The following NDUFAF6 variants were observed in gnomAD, a reference collection of about 807,000 sequenced individuals.
The protein encoded by NDUFAF6 is NADH dehydrogenase (ubiquinone) complex I, assembly factor 6.
A neutral mutation model predicts 40.8 loss-of-function variants in NDUFAF6; 45 were observed. The observed-to-expected ratio is 1.10, with a 90% CI of 0.87 to 1.42. NDUFAF6 has a LOEUF of 1.42. NDUFAF6 is among the 40% of genes most tolerant of loss of function. The pLI, the probability that NDUFAF6 is intolerant of heterozygous loss-of-function variation, is 0.00. For synonymous variants in NDUFAF6, 185 were observed against 155.9 expected, an observed-to-expected ratio of 1.19 and a Z score of -1.39; for missense variants, 435 against 418.5, an observed-to-expected ratio of 1.04 and a Z score of -0.34.
chr8:94,902,693 CT>C (rs35185664), intron 1 of NDUFAF6, among the ~76,000 whole-genome samples: 4,501 of 121,416 alleles, frequency 0.037, 75 homozygotes, highest in African/African-American at 0.069. Flanking sequence ...TGTGGACATA[CT>C]TTTTTTTTTT....
intron 2 of NDUFAF6, among the ~76,000 whole-genome samples, chr8:95,084,315 G>T (rs998915278): frequency 6.6e-6 from 1 of 151,710 alleles, no homozygotes; most frequent in Non-Finnish European, 1.5e-5. Flanking sequence ...ATATATTTCA[G>T]TACATATCTC....
chr8:94,920,141 TAGTA>T (rs761803927), intron 1 of NDUFAF6, among the ~76,000 whole-genome samples: 36 of 152,194 alleles, frequency 2.4e-4, no homozygotes, highest in African/African-American at 4.6e-4. Flanking sequence ...AAGATGATAA[TAGTA>T]AGTGTGTGTG....
chr8:95,116,797 T>TA (rs1383574185), downstream of NDUFAF6, among the ~76,000 whole-genome samples: 1 of 152,226 alleles, frequency 6.6e-6, no homozygotes, highest in African/African-American at 2.4e-5. Context: ...AAACCCAACT[T>TA]ACGCTGACTT....
intron 2 of NDUFAF6, among the ~76,000 whole-genome samples, chr8:95,000,235 G>A (rs1239348247): frequency 6.6e-6 from 1 of 152,162 alleles, no homozygotes; most frequent in Non-Finnish European, 1.5e-5. Flanking sequence ...TACTCTGGAG[G>A]CTAAGGCAGG....
intron 1 of NDUFAF6, among the ~76,000 whole-genome samples, chr8:94,904,844 G>T (rs1340023031): frequency 6.6e-6 from 1 of 151,700 alleles, no homozygotes. Flanking sequence ...TCATCTTCCT[G>T]CATAACTGTC....
chr8:95,086,603 CTTTT>C (rs140726768), intron 2 of NDUFAF6, among the ~76,000 whole-genome samples: 20 of 136,040 alleles, frequency 1.5e-4, no homozygotes, highest in African/African-American at 3.5e-4. Context: ...CTTTTCTTTT[CTTTT>C]TTTTTTTTTT....
intron 2 of NDUFAF6, among the ~76,000 whole-genome samples, chr8:95,004,372 T>TC (rs1563783525): frequency 7.1e-6 from 1 of 140,126 alleles, no homozygotes; most frequent in African/African-American, 2.6e-5. Context: ...TTTTTTTTTT[T>TC]GAGACCGGGT....
At chr8:95,046,648 A>G (rs1467844440) in intron 5 of NDUFAF6, among the ~76,000 whole-genome samples, 2 of 152,272 alleles carry the variant, frequency 1.3e-5, no homozygotes, top group African/African-American at 2.4e-5. Flanking sequence ...ATGTTTGTTA[A>G]GCATATTCTT....
chr8:95,114,494 C>T (rs1434152305), intron 4 of NDUFAF6, among the ~76,000 whole-genome samples: 1 of 152,224 alleles, frequency 6.6e-6, no homozygotes, highest in Non-Finnish European at 1.5e-5. Flanking sequence ...TGGAGGTGTA[C>T]TTCACAGGAA....
Position 95,025,005 on chromosome 8 carries a change from C to T in NDUFAF6, c.-4C>T. ...GGGGTCGAAGGGCACGCAGTGCCGG[C>T]GTCATGGCGGCCTCCGCGCACGGCT... On this transcript the variant is annotated 5_prime_UTR_variant, in exon 1 of 9. Coordinates refer to ENST00000396124, the MANE Select transcript of NDUFAF6 (RefSeq NM_152416.4). The T allele has an allele frequency of 7.5e-7, 1 of 1,342,066 alleles. No homozygotes were observed. Among genetic ancestry groups the T allele is most frequent in the Non-Finnish European group, 9.5e-7 (1 of 1,054,848 alleles). 83.1% of individuals were successfully genotyped at this position (1,342,066 alleles called of 1,614,324 possible). A position where few individuals can be genotyped will look rare whatever the true frequency, so the allele number is the denominator to read the frequency against.
intron 1 of NDUFAF6, among the ~76,000 whole-genome samples, chr8:94,898,650 C>T (rs951000699): frequency 2.6e-5 from 4 of 152,152 alleles, no homozygotes; most frequent in South Asian, 2.1e-4. Context: ...CCATACTGTG[C>T]TCTTTGGAAG....
chr8:95,025,172 G>A lies in NDUFAF6; in HGVS notation c.164G>A (p.Trp55Ter). Residue 55 changes from tryptophan to a stop codon, truncating the protein, a stop_gained, in exon 1 of 9, where the codon TGG (tryptophan) becomes TAG (stop). Transcript: ENST00000396124. LOFTEE classifies it high-confidence loss of function. ...SVAAASGPGA[W>*]GTDHYCLELL... Reference sequence around the variant, plus strand: ...GCTGCGGCCAGCGGACCGGGCGCCTGGGGCACTGACCACTACTGCCTGGAG... The same window carrying A: ...GCTGCGGCCAGCGGACCGGGCGCCTAGGGCACTGACCACTACTGCCTGGAG... 1 of 1,480,420 alleles carries A rather than the reference G, an allele frequency of 6.8e-7. No individual in the cohort carries two copies. The highest frequency in any genetic ancestry group is 1.3e-5 in the South Asian group (1 of 76,784). The allele number at this position is 1,480,420 out of a possible 1,614,324, so 91.7% of individuals were successfully genotyped here.
chr8:94,979,851 T>C (rs1825269213), intron 1 of NDUFAF6, among the ~76,000 whole-genome samples: 1 of 152,168 alleles, frequency 6.6e-6, no homozygotes, highest in Non-Finnish European at 1.5e-5. Context: ...TCCCAGCACT[T>C]TGGGAGGCCG....
Position 94,914,031 on chromosome 8 carries a change from A to G in NDUFAF6, c.-936+18104A>G, listed in dbSNP as rs1818957681. Among the ~76,000 whole-genome samples, 4 of 149,404 alleles carry G rather than the reference A, an allele frequency of 2.7e-5. No individual in the cohort carries two copies. In the South Asian group the frequency reaches 8.6e-4, roughly 32 times the overall value. On this transcript the variant is annotated intron_variant, in intron 1 of 14. Coordinates refer to the NDUFAF6 transcript ENST00000396113. ...GGTCTTGAACTCCTAACCTCAAGCG[A>G]TCTGCCCGCTTTGGCCTCCTAGAGT...
At chr8:95,092,605 G>GC (rs1809295922) in intron 2 of NDUFAF6, among the ~76,000 whole-genome samples, 1 of 124,784 alleles carries the variant, frequency 8.0e-6, no homozygotes, top group African/African-American at 3.1e-5. Flanking sequence ...TTTTTTTTGA[G>GC]ATAGAGTCTC....
At chr8:94,907,518 A>T (rs1004778664) in intron 1 of NDUFAF6, among the ~76,000 whole-genome samples, 2 of 152,238 alleles carry the variant, frequency 1.3e-5, no homozygotes, top group Non-Finnish European at 2.9e-5. Flanking sequence ...ATCTAAAGCC[A>T]TAACAGTTTA....
At chr8:95,025,725 A>T (rs1344842883) in intron 1 of NDUFAF6, among the ~76,000 whole-genome samples, 1 of 152,234 alleles carries the variant, frequency 6.6e-6, no homozygotes, top group African/African-American at 2.4e-5. Context: ...CTCATTTAAC[A>T]GACAAGGAAA....
Position 95,058,315 on chromosome 8 carries a change from T to C in NDUFAF6, c.*378T>C, listed in dbSNP as rs544094284. The C allele has an allele frequency of 4.2e-5, 53 of 1,274,350 alleles. No homozygotes were observed. The highest frequency in any genetic ancestry group is 3.0e-4 in the Middle Eastern group (1 of 3,382). The allele number at this position is 1,274,350 out of a possible 1,614,324, so 78.9% of individuals were successfully genotyped here. On this transcript the variant is annotated 3_prime_UTR_variant, in exon 9 of 9. Coordinates refer to ENST00000396124, the MANE Select transcript of NDUFAF6 (RefSeq NM_152416.4). Reference sequence around the variant, plus strand: ...AAAGGGGAAAGGGCTCAAGTTATCATAGGGGCTTACATGCTGAGCAGCTAT... The same window carrying C: ...AAAGGGGAAAGGGCTCAAGTTATCACAGGGGCTTACATGCTGAGCAGCTAT...
intron 2 of NDUFAF6, among the ~76,000 whole-genome samples, chr8:94,995,286 TAGAG>T (rs149732961): frequency 0.01 from 1,535 of 152,108 alleles, 27 homozygotes; most frequent in African/African-American, 0.035. Context: ...AAACAGAAAG[TAGAG>T]AGGTAGTTGC....
Sources: gnomAD v4.1 joint callset for allele counts (sites outside exome capture counted in the v4.1 genomes callset) on GRCh38, gnomAD v4.1.1 for gene constraint, MANE v1.5 for transcripts, NCBI Gene and HGNC (gene_info 2026-07-23, HGNC 2026-07-21) for gene names.